The following CLEC12A variants were observed in gnomAD, a reference collection of about 807,000 sequenced individuals.
CLEC12A encodes C-type lectin domain family 12 member A, also known as C-type lectin protein CLL-1.
CLEC12A carries 22 observed loss-of-function variants against 26.5 expected under a neutral mutation model. That is an observed-to-expected ratio of 0.83 (90% confidence interval 0.59 to 1.19). The LOEUF is 1.19. Ranked by LOEUF, CLEC12A falls within the 50% of genes most tolerant of loss-of-function variation. The pLI, the probability that CLEC12A is intolerant of heterozygous loss-of-function variation, is 0.00. For missense variants in CLEC12A, 353 were observed against 315.6 expected, an observed-to-expected ratio of 1.12 and a Z score of -0.90; for synonymous variants, 119 against 101.9, an observed-to-expected ratio of 1.17 and a Z score of -1.01.
chr12:9,980,772 G>T, intron 4 of CLEC12A, 39 bp downstream of exon 4: 1 of 1,601,748 alleles, frequency 6.2e-7, no homozygotes, highest in Non-Finnish European at 8.5e-7. Context: ...GGATAGAGAG[G>T]GGTGTGGCAT....
chr12:9,971,555 T>G lies in CLEC12A; in HGVS notation c.-42T>G. The G allele has an allele frequency of 6.3e-7, 1 of 1,586,552 alleles. No homozygotes were observed. The highest frequency in any genetic ancestry group is 1.2e-5 in the South Asian group (1 of 85,536). Reference sequence around the variant, plus strand: ...AGCTCTGTTAACTCACTCATCTTTTTGTGTTTTTACACTTTGTCAAGATTT... The same window carrying G: ...AGCTCTGTTAACTCACTCATCTTTTGGTGTTTTTACACTTTGTCAAGATTT... On this transcript the variant is annotated 5_prime_UTR_variant, in exon 1 of 6. Transcript: ENST00000304361.
chr12:9,986,733 C>A (rs1333916401), downstream of CLEC12A, among the ~76,000 whole-genome samples: 1 of 152,138 alleles, frequency 6.6e-6, no homozygotes, highest in Non-Finnish European at 1.5e-5. Context: ...ATCGCTTGAA[C>A]CCGGGAGGCA....
chr12:9,999,264 A>T, downstream of CLEC12A: 1 of 508,650 alleles, frequency 2.0e-6, no homozygotes, highest in African/African-American at 1.9e-5. Context: ...ATTGTTTTCC[A>T]GGAAGCTTCT....
At chr12:9,967,672 G>T (rs973563149), upstream of CLEC12A, among the ~76,000 whole-genome samples, 2 of 151,850 alleles carry the variant, frequency 1.3e-5, no homozygotes, top group Admixed American at 1.3e-4. Context: ...AAGGAGAAGG[G>T]GTTGGGGGGT....
downstream of CLEC12A, among the ~76,000 whole-genome samples, chr12:9,996,498 G>T (rs149004424): frequency 6.6e-6 from 1 of 151,556 alleles, no homozygotes; most frequent in Non-Finnish European, 1.5e-5. Flanking sequence ...TTCCGTATGC[G>T]TCTGAGTCCA....
chr12:10,003,687 G>A, the CLEC12A span, among the ~76,000 whole-genome samples: 1 of 152,126 alleles, frequency 6.6e-6, no homozygotes, highest in African/African-American at 2.4e-5. Flanking sequence ...GCCAAGGTAG[G>A]AAGACTGCTT....
chr12:9,957,900 C>T (rs890183726), intron 1 of CLEC12A, among the ~76,000 whole-genome samples: 9 of 152,182 alleles, frequency 5.9e-5, no homozygotes, highest in African/African-American at 2.2e-4. Context: ...CCTTTCACAT[C>T]TGTAATAGCT....
At chr12:9,951,450 A>G (rs751085600) in intron 1 of CLEC12A, 65 of 700,502 alleles carry the variant, frequency 9.3e-5, no homozygotes, top group Non-Finnish European at 1.3e-4. Flanking sequence ...AGCAAGGCCA[A>G]CTGACGGAGA....
intron 5 of CLEC12A, among the ~76,000 whole-genome samples, chr12:9,984,589 T>C (rs1357315467): frequency 6.6e-6 from 1 of 152,110 alleles, no homozygotes; most frequent in Admixed American, 6.6e-5. Flanking sequence ...ATATTATATA[T>C]GAAGGGGCTG....
At chr12:10,005,044 G>A in the CLEC12A span, among the ~76,000 whole-genome samples, 1 of 151,832 alleles carries the variant, frequency 6.6e-6, no homozygotes, top group Non-Finnish European at 1.5e-5. Context: ...AGGATTCACA[G>A]AATGTTAAGT....
chr12:9,974,165 C>T (rs1409876401), intron 1 of CLEC12A, among the ~76,000 whole-genome samples: 1 of 152,258 alleles, frequency 6.6e-6, no homozygotes, highest in East Asian at 1.9e-4. Context: ...ACTTCACTTC[C>T]CTGCAGCATT....
At chr12:9,992,801 T>C (rs901114764) in intron 4 of CLEC12A, 1 of 183,210 alleles carries the variant, frequency 5.5e-6, no homozygotes, top group African/African-American at 2.3e-5. Context: ...GCACAACTTA[T>C]ATTAATTAAG....
intron 1 of CLEC12A, among the ~76,000 whole-genome samples, chr12:9,955,365 G>A (rs1167396166): frequency 6.6e-6 from 1 of 152,182 alleles, no homozygotes; most frequent in Admixed American, 6.5e-5. Flanking sequence ...GGGATTACAG[G>A]TGTAAGCAAT....
intron 5 of CLEC12A, chr12:9,983,586 T>C: frequency 3.0e-6 from 2 of 676,124 alleles, no homozygotes. Context: ...CTATTGGAAG[T>C]CCATCATTTA....
intron 1 of CLEC12A, among the ~76,000 whole-genome samples, chr12:9,972,053 T>G (rs67786371): frequency 0.54 from 78,430 of 145,106 alleles, 20,884 homozygotes; most frequent in South Asian, 0.72. Context: ...TGTGTGTGTG[T>G]GTGTGTGTTT....
downstream of CLEC12A, among the ~76,000 whole-genome samples, chr12:9,987,271 A>G (rs1208289260): frequency 2.6e-5 from 4 of 152,160 alleles, no homozygotes; most frequent in African/African-American, 9.7e-5. Flanking sequence ...GATTCTATGT[A>G]AATCATTTTT....
chr12:9,957,115 G>T (rs1863753275), intron 1 of CLEC12A, among the ~76,000 whole-genome samples: 1 of 152,178 alleles, frequency 6.6e-6, no homozygotes, highest in Admixed American at 6.5e-5. Flanking sequence ...ACACAAGTCT[G>T]TGCCTTTCTC....
At chr12:9,983,054 G>A (rs537191633) in intron 5 of CLEC12A, among the ~76,000 whole-genome samples, 14 of 152,124 alleles carry the variant, frequency 9.2e-5, no homozygotes, top group South Asian at 2.1e-4. Flanking sequence ...GCAATAATCC[G>A]TTGATGGACA....
rs142222467 is a variant in CLEC12A, at chr12:9,962,390, T to A, written c.11-9187T>A. On this transcript the variant is annotated intron_variant, in intron 1 of 6. Coordinates refer to the CLEC12A transcript ENST00000355690. ...TCTCCAAATTTTTATCCCTGTGCAC[T>A]TTTCTTCACCTGTCTTCATTTCTTT... 5.2e-3 allele frequency among the ~76,000 whole-genome samples: 791 copies of A among 152,124 alleles called. 12 individuals carry two copies. The highest frequency in any genetic ancestry group is 0.018 in the African/African-American group (766 of 41,504).
Sources: allele counts gnomAD v4.1 joint callset (sites outside exome capture counted in the v4.1 genomes callset), GRCh38; gene constraint gnomAD v4.1.1; transcripts MANE v1.5; gene names NCBI Gene and HGNC (gene_info 2026-07-23, HGNC 2026-07-21).